The following ANGPT1 variants were observed in gnomAD, a reference collection of about 807,000 sequenced individuals.
The protein encoded by ANGPT1 is angiopoietin 1, also known as angiopoietin-1.
Under a neutral mutation model 62.2 loss-of-function variants are expected in ANGPT1, and 17 were observed. That is an observed-to-expected ratio of 0.27 (90% CI 0.19 to 0.41). The LOEUF is 0.41. ANGPT1 is among the 10% of genes least tolerant of loss of function. The pLI is 1.00. For synonymous variants in ANGPT1, 199 were observed against 198.9 expected (o/e 1.00, Z 0.00); for missense variants, 478 against 594.9 (o/e 0.80, Z 2.04).
At chr8:107,467,350 G>A (rs956013530) in intron 1 of ANGPT1, among the ~76,000 whole-genome samples, 1 of 151,462 alleles carries the variant, frequency 6.6e-6, no homozygotes, top group East Asian at 1.9e-4. Flanking sequence ...TTGGAAAAGA[G>A]GCTCAAGATT....
At chr8:107,252,611 A>G (rs1813271774) in intron 8 of ANGPT1, among the ~76,000 whole-genome samples, 1 of 152,298 alleles carries the variant, frequency 6.6e-6, no homozygotes, top group East Asian at 1.9e-4. Flanking sequence ...GTAGTTTATA[A>G]CAGTAGAAAA....
At chr8:107,459,756 A>G (rs1812018805) in intron 1 of ANGPT1, among the ~76,000 whole-genome samples, 1 of 151,840 alleles carries the variant, frequency 6.6e-6, no homozygotes, top group Non-Finnish European at 1.5e-5. Flanking sequence ...TTTTAAAAAT[A>G]TGCTTCATTG....
chr8:107,402,781 A>T (rs1817071082), intron 1 of ANGPT1, among the ~76,000 whole-genome samples: 1 of 152,198 alleles, frequency 6.6e-6, no homozygotes, highest in South Asian at 2.1e-4. Flanking sequence ...AATAAAAAAT[A>T]AAATCATAAA....
At chr8:107,342,790 C>A (rs1815721243) in intron 2 of ANGPT1, among the ~76,000 whole-genome samples, 1 of 13,424 alleles carries the variant, frequency 7.4e-5, no homozygotes, top group Admixed American at 1.0e-3. Flanking sequence ...AATACACACA[C>A]ACACACACAC....
chr8:107,450,705 G>GGTGTGTGT (rs140884696), intron 1 of ANGPT1, among the ~76,000 whole-genome samples: 9,009 of 142,204 alleles, frequency 0.063, 297 homozygotes, highest in South Asian at 0.11. Context: ...AATGGGAATA[G>GGTGTGTGT]GTGTGTGTGT....
chr8:107,289,099 C>T (rs1021249180), intron 6 of ANGPT1, among the ~76,000 whole-genome samples: 1 of 152,100 alleles, frequency 6.6e-6, no homozygotes, highest in Non-Finnish European at 1.5e-5. Flanking sequence ...CAAACACAAT[C>T]ACCTGAAAGG....
chr8:107,309,454 G>A (rs1158330364), intron 4 of ANGPT1, among the ~76,000 whole-genome samples: 1 of 152,072 alleles, frequency 6.6e-6, no homozygotes, highest in Admixed American at 6.5e-5. Context: ...CAGGTGTGTG[G>A]GCATTTCATA....
intron 2 of ANGPT1, 37 bp from the exon 3 acceptor site, chr8:107,336,308 C>A (rs1345932006): frequency 1.3e-6 from 2 of 1,552,816 alleles, no homozygotes; most frequent in South Asian, 2.5e-5. Flanking sequence ...AAACTTCAGT[C>A]ACGAATCAAA....
chr8:107,314,164 C>A (rs1814953809), intron 4 of ANGPT1, among the ~76,000 whole-genome samples: 1 of 152,164 alleles, frequency 6.6e-6, no homozygotes, highest in African/African-American at 2.4e-5. Context: ...TTCGCTTTAG[C>A]CAACCAGGCT....
At chr8:107,254,242 C>T (rs550266741) in intron 8 of ANGPT1, among the ~76,000 whole-genome samples, 11 of 151,960 alleles carry the variant, frequency 7.2e-5, no homozygotes, top group Admixed American at 6.6e-4. Flanking sequence ...AAATGTAACA[C>T]CTGTCCTTAT....
intron 7 of ANGPT1, among the ~76,000 whole-genome samples, chr8:107,278,611 G>C (rs1295610104): frequency 2.6e-5 from 4 of 152,162 alleles, no homozygotes; most frequent in Non-Finnish European, 5.9e-5. Context: ...GATTTGGAAG[G>C]CGAAAGTGAA....
chr8:107,400,913 A>G (rs1463594311), intron 1 of ANGPT1, among the ~76,000 whole-genome samples: 1 of 152,028 alleles, frequency 6.6e-6, no homozygotes, highest in Non-Finnish European at 1.5e-5. Flanking sequence ...AGATCATGCT[A>G]GGAAATGGCT....
chr8:107,332,499 T>C (rs1815446930), intron 3 of ANGPT1, among the ~76,000 whole-genome samples: 1 of 152,204 alleles, frequency 6.6e-6, no homozygotes, highest in South Asian at 2.1e-4. Flanking sequence ...TCTGGCCATG[T>C]AGGGGATAGA....
rs142809208 is a variant in ANGPT1, at chr8:107,408,652, T to C, written c.298-61555A>G. Reference sequence around the variant, plus strand: ...TAATGGATGGCAAATAAAGGAACTCTTATCTTTGGAATTTTGGAGTAGACA... The same window carrying C: ...TAATGGATGGCAAATAAAGGAACTCCTATCTTTGGAATTTTGGAGTAGACA... On this transcript the variant is annotated intron_variant, in intron 1 of 8. Coordinates refer to ENST00000517746, the MANE Select transcript of ANGPT1 (RefSeq NM_001146.5). 1.7e-4 allele frequency among the ~76,000 whole-genome samples: 26 copies of C among 152,262 alleles called. No homozygotes were observed. The East Asian group carries it at 5.0e-3, about 29-fold the overall frequency.
chr8:107,419,935 C>T (rs1810854066), intron 1 of ANGPT1, among the ~76,000 whole-genome samples: 1 of 152,174 alleles, frequency 6.6e-6, no homozygotes, highest in Non-Finnish European at 1.5e-5. Context: ...ACATTCGTGA[C>T]TTAATTTAAT....
chr8:107,283,688 T>C (rs1814070117), intron 7 of ANGPT1, among the ~76,000 whole-genome samples: 1 of 152,144 alleles, frequency 6.6e-6, no homozygotes, highest in South Asian at 2.1e-4. Flanking sequence ...CATACAATCA[T>C]ATTTTCAAGA....
chr8:107,282,921 A>G (rs1321855780), intron 7 of ANGPT1, among the ~76,000 whole-genome samples: 2 of 151,934 alleles, frequency 1.3e-5, no homozygotes, highest in Non-Finnish European at 2.9e-5. Flanking sequence ...AGTGCACCAC[A>G]GATGCCAACA....
chr8:107,431,222 T>C (rs1014173487), intron 1 of ANGPT1, among the ~76,000 whole-genome samples: 4 of 152,186 alleles, frequency 2.6e-5, no homozygotes, highest in African/African-American at 9.7e-5. Flanking sequence ...TGGTCAGTGA[T>C]TTTGGTTTAT....
rs148846164 is a variant in ANGPT1, at chr8:107,490,365, CT to C, written c.297+6896del. Among the ~76,000 whole-genome samples the C allele has an allele frequency of 7.6e-4, 116 of 151,674 alleles. 1 individual carries two copies. The highest frequency in any genetic ancestry group is 2.8e-3 in the African/African-American group (114 of 41,370). On this transcript the variant is annotated intron_variant, in intron 1 of 8. Transcript: ENST00000517746. ...GCTGGTCTGTATTGTTATTCAGGTG[CT>C]TTTTTTTTCTTTTCTGATATGTATC...
Sources: gnomAD v4.1 joint callset for allele counts (sites outside exome capture counted in the v4.1 genomes callset) on GRCh38, gnomAD v4.1.1 for gene constraint, MANE v1.5 for transcripts, NCBI Gene and HGNC (gene_info 2026-07-23, HGNC 2026-07-21) for gene names.